GALNT13: variants seen among roughly 807,000 people sequenced by gnomAD.
GALNT13 encodes the protein polypeptide N-acetylgalactosaminyltransferase 13.
Under a neutral mutation model 64.2 loss-of-function variants are expected in GALNT13, and 28 were observed. The ratio of observed to expected loss-of-function variants is 0.44; its 90% CI spans 0.32 to 0.60. The LOEUF (loss-of-function observed/expected upper bound fraction) is 0.60. GALNT13 is among the 20% of genes least tolerant of loss of function. GALNT13 has a pLI of 0.05. For missense variants in GALNT13, 577 were observed against 669.8 expected (o/e 0.86, Z 1.53); for synonymous variants, 214 against 224.6 (o/e 0.95, Z 0.42).
At chr2:153,792,806 A>G in the GALNT13 span, among the ~76,000 whole-genome samples, 1 of 152,118 alleles carries the variant, frequency 6.6e-6, no homozygotes, top group Non-Finnish European at 1.5e-5. Context: ...TTCTTAAGGC[A>G]TTTGATTTGT....
At chr2:153,411,180 T>TA in the GALNT13 span, among the ~76,000 whole-genome samples, 23,893 of 90,424 alleles carry the variant, frequency 0.26, 2,481 homozygotes, top group East Asian at 0.65. Context: ...TATATATATA[T>TA]TTTTTTTTTT....
the GALNT13 span, among the ~76,000 whole-genome samples, chr2:153,771,447 T>C: frequency 6.6e-6 from 1 of 152,008 alleles, no homozygotes; most frequent in African/African-American, 2.4e-5. Context: ...TCCAGGAAGG[T>C]AGGTACACCA....
chr2:153,660,644 G>A, the GALNT13 span, among the ~76,000 whole-genome samples: 1 of 151,034 alleles, frequency 6.6e-6, no homozygotes, highest in South Asian at 2.1e-4. Flanking sequence ...AATATCTATG[G>A]CTTACAAGGC....
chr2:153,919,124 A>G (rs754393568), intron 2 of GALNT13, among the ~76,000 whole-genome samples: 6 of 152,078 alleles, frequency 3.9e-5, no homozygotes, highest in Non-Finnish European at 8.8e-5. Flanking sequence ...TCCTCCCTTG[A>G]TAGCATTGCC....
At chr2:153,822,388 A>G in the GALNT13 span, among the ~76,000 whole-genome samples, 1 of 152,166 alleles carries the variant, frequency 6.6e-6, no homozygotes, top group Admixed American at 6.5e-5. Flanking sequence ...TCAACACAAT[A>G]AAGTAGGCTT....
At chr2:153,570,833 A>G in the GALNT13 span, among the ~76,000 whole-genome samples, 1 of 152,116 alleles carries the variant, frequency 6.6e-6, no homozygotes, top group Non-Finnish European at 1.5e-5. Flanking sequence ...TTTTTATGAC[A>G]GTATCATGTT....
chr2:153,484,023 AGTTTTAT>A, the GALNT13 span, among the ~76,000 whole-genome samples: 2 of 152,192 alleles, frequency 1.3e-5, no homozygotes, highest in Non-Finnish European at 2.9e-5. Flanking sequence ...TTGTTAAAAT[AGTTTTAT>A]GTTTTATGTA....
chr2:154,389,659 C>T (rs999334218), intron 9 of GALNT13, among the ~76,000 whole-genome samples: 11 of 152,042 alleles, frequency 7.2e-5, no homozygotes, highest in African/African-American at 2.7e-4. Flanking sequence ...TGGTCTAAGG[C>T]CCATTGCTTG....
At chr2:154,290,299 G>A (rs74452307) in intron 8 of GALNT13, among the ~76,000 whole-genome samples, 7,145 of 152,268 alleles carry the variant, frequency 0.047, 554 homozygotes, top group African/African-American at 0.16. Flanking sequence ...GAATGAAGAG[G>A]TCCTCCAGTC....
the GALNT13 span, among the ~76,000 whole-genome samples, chr2:153,672,986 C>T: frequency 2.0e-5 from 3 of 152,268 alleles, no homozygotes; most frequent in Middle Eastern, 3.4e-3. Flanking sequence ...TGGACACATA[C>T]ACCCTCTCAA....
chr2:153,623,273 C>T, the GALNT13 span, among the ~76,000 whole-genome samples: 1 of 152,108 alleles, frequency 6.6e-6, no homozygotes, highest in Non-Finnish European at 1.5e-5. Flanking sequence ...TACCCTTCCT[C>T]AACGTGCTTT....
chr2:153,828,881 C>CT, the GALNT13 span, among the ~76,000 whole-genome samples: 1 of 152,180 alleles, frequency 6.6e-6, no homozygotes, highest in Non-Finnish European at 1.5e-5. Context: ...TGTTTTGCTG[C>CT]TCAGAAACTT....
At chr2:154,081,274 ACAC>A (rs1437325559) in intron 3 of GALNT13, among the ~76,000 whole-genome samples, 1 of 151,570 alleles carries the variant, frequency 6.6e-6, no homozygotes, top group Non-Finnish European at 1.5e-5. Flanking sequence ...CATATTTAAA[ACAC>A]CACAATATTG....
the GALNT13 span, among the ~76,000 whole-genome samples, chr2:153,296,097 C>T: frequency 6.6e-6 from 1 of 152,164 alleles, no homozygotes; most frequent in East Asian, 1.9e-4. Context: ...GATAGGAAAA[C>T]TCTAGCTATC....
intron 8 of GALNT13, among the ~76,000 whole-genome samples, chr2:154,277,534 A>T (rs142425139): frequency 6.6e-6 from 1 of 152,304 alleles, no homozygotes; most frequent in Non-Finnish European, 1.5e-5. Flanking sequence ...GTAGTTAAAA[A>T]AGGAAACCAA....
rs562284203 is a variant in GALNT13 at position 153,922,448 on chromosome 2, C to T, written c.-105+21441C>T. The stretch of plus-strand genomic sequence containing the variant: ...TTGATCTTGAAGCTTTATACCTTTC[C>T]CATTTAAGCTATGAAAATATATAAT... On this transcript the variant is annotated intron_variant, in intron 2 of 12. Transcript: ENST00000392825. Among the ~76,000 whole-genome samples, 12 of 152,184 alleles carry T rather than the reference C, an allele frequency of 7.9e-5. No individual in the cohort carries two copies. The South Asian group carries it at 1.5e-3, about 18-fold the overall frequency.
chr2:154,193,133 A>G (rs952874804), intron 4 of GALNT13, among the ~76,000 whole-genome samples: 1 of 152,238 alleles, frequency 6.6e-6, no homozygotes, highest in Non-Finnish European at 1.5e-5. Context: ...GCTTCTGCTC[A>G]GGATAAGAGT....
chr2:153,302,420 T>C, the GALNT13 span, among the ~76,000 whole-genome samples: 12 of 152,156 alleles, frequency 7.9e-5, no homozygotes, highest in Non-Finnish European at 1.3e-4. Context: ...TTTTTGTTTT[T>C]TTACTATCAA....
At chr2:154,340,993 TATATA>T (rs1487301056) in intron 9 of GALNT13, among the ~76,000 whole-genome samples, 1 of 152,088 alleles carries the variant, frequency 6.6e-6, no homozygotes, top group Non-Finnish European at 1.5e-5. Flanking sequence ...CATATATTCA[TATATA>T]ATACATAGAT....
Sources: allele counts gnomAD v4.1 joint callset (sites outside exome capture counted in the v4.1 genomes callset), GRCh38; gene constraint gnomAD v4.1.1; transcripts MANE v1.5; gene names NCBI Gene and HGNC (gene_info 2026-07-23, HGNC 2026-07-21).